The following GLIS3 variants were observed in gnomAD, a reference collection of about 807,000 sequenced individuals.
GLIS3 encodes the protein zinc finger protein GLIS3.
In GLIS3, 53 loss-of-function variants were observed where a neutral mutation model predicts 78.6. The ratio of observed to expected loss-of-function variants is 0.67; its 90% CI spans 0.54 to 0.85. The LOEUF is 0.85. Among genes scored for constraint, GLIS3 ranks in the 40% least tolerant of loss-of-function variants. The pLI is 0.00. For missense variants in GLIS3, 1,703 were observed against 1,231.1 expected, an observed-to-expected ratio of 1.38 and a Z score of -5.74; for synonymous variants, 684 against 509.9, an observed-to-expected ratio of 1.34 and a Z score of -4.60.
chr9:4,276,061 T>C (rs1377033936), intron 2 of GLIS3, among the ~76,000 whole-genome samples: 1 of 151,692 alleles, frequency 6.6e-6, no homozygotes, highest in Non-Finnish European at 1.5e-5. Flanking sequence ...GGCAGATGGA[T>C]CACTTTGAGC....
chr9:4,400,923 G>A, the GLIS3 span, among the ~76,000 whole-genome samples: 1 of 152,210 alleles, frequency 6.6e-6, no homozygotes, highest in Non-Finnish European at 1.5e-5. Context: ...AATACCCAAG[G>A]AGTATGCCGT....
chr9:4,291,616 G>C (rs1024289955), intron 1 of GLIS3, among the ~76,000 whole-genome samples: 42 of 152,028 alleles, frequency 2.8e-4, no homozygotes, highest in Non-Finnish European at 2.9e-5. Context: ...AAAGGGAGAG[G>C]AAGGGAGTAG....
At chr9:4,300,432 C>A (rs992043966), upstream of GLIS3, among the ~76,000 whole-genome samples, 2 of 152,026 alleles carry the variant, frequency 1.3e-5, no homozygotes, top group African/African-American at 4.8e-5. Flanking sequence ...GGTAGTAATA[C>A]GGAGAGAATA....
chr9:4,118,117 G>T lies in GLIS3; in HGVS notation c.1361C>A (p.Pro454Gln). ...GTAAGGGGGTGGGGGGCCTGGGGGCGGCGGCAGAGGAGGGAGCGGAGGCGC... is the reference window on the plus strand; with the variant it reads ...GTAAGGGGGTGGGGGGCCTGGGGGCTGCGGCAGAGGAGGGAGCGGAGGCGC... ...PPAPPLPPLP[P>Q]PPGPPPPYHA... is the part of the protein sequence containing the mutation. Residue 454 changes from proline (P) to glutamine (Q), a missense_variant, in exon 4 of 11, where the codon CCG (proline) becomes CAG (glutamine). Transcript: ENST00000381971. This position sits in a 1 kb window ranked among gnomAD's most constrained non-coding sequence, Gnocchi z 4.7. The T allele has an allele frequency of 1.9e-6, 3 of 1,549,656 alleles. No homozygotes were observed. The South Asian group carries it at 3.7e-5, about 19-fold the overall frequency.
At chr9:3,884,771 T>C (rs1821959805) in intron 7 of GLIS3, among the ~76,000 whole-genome samples, 1 of 152,158 alleles carries the variant, frequency 6.6e-6, no homozygotes, top group African/African-American at 2.4e-5. Flanking sequence ...GGCAGGCAAA[T>C]AGCGGGGCTG....
At position 4,081,980 on chromosome 9, in the gene GLIS3, T is replaced by A. The variant is rs1460348937; in HGVS notation, c.1710+35788A>T. Among the ~76,000 whole-genome samples the A allele has an allele frequency of 3.9e-5, 6 of 152,252 alleles. No homozygotes were observed. In the East Asian group the frequency reaches 1.2e-3, roughly 29 times the overall value. The stretch of plus-strand genomic sequence containing the variant: ...CATGCTTCTTAAATGCCATTTCATA[T>A]GCATAATCAGCTAATAATCTAAACA... On this transcript the variant is annotated intron_variant, in intron 4 of 10. Coordinates refer to ENST00000381971, the MANE Select transcript of GLIS3 (RefSeq NM_001042413.2).
intron 2 of GLIS3, among the ~76,000 whole-genome samples, chr9:4,180,795 G>C (rs974718177): frequency 3.9e-5 from 6 of 152,194 alleles, no homozygotes; most frequent in African/African-American, 1.4e-4. Context: ...AAACTGAGGA[G>C]CGGCGGTGTA....
chr9:4,342,138 G>C (rs769876715), intron 2 of GLIS3, among the ~76,000 whole-genome samples: 1 of 152,000 alleles, frequency 6.6e-6, no homozygotes, highest in Non-Finnish European at 1.5e-5. Context: ...TATTGCTTTT[G>C]GCACTTTTGT....
chr9:4,126,186 G>T (rs898232915), intron 2 of GLIS3, among the ~76,000 whole-genome samples: 3 of 152,050 alleles, frequency 2.0e-5, no homozygotes, highest in Admixed American at 6.5e-5. Context: ...CTTCTATGTA[G>T]AAGTGTCCAG....
At chr9:4,393,367 A>T in the GLIS3 span, among the ~76,000 whole-genome samples, 1,684 of 152,238 alleles carry the variant, frequency 0.011, 20 homozygotes, top group Non-Finnish European at 0.018. Context: ...TACTTTTTTT[A>T]AAAAAATGAT....
chr9:4,488,280 A>G, the GLIS3 span, among the ~76,000 whole-genome samples: 1 of 152,118 alleles, frequency 6.6e-6, no homozygotes, highest in Admixed American at 6.6e-5. Flanking sequence ...CACACATGTG[A>G]TCAAATTGTA....
intron 2 of GLIS3, among the ~76,000 whole-genome samples, chr9:4,340,541 GCTT>G (rs1817819555): frequency 6.6e-6 from 1 of 152,134 alleles, no homozygotes; most frequent in African/African-American, 2.4e-5. Context: ...CTAGGGTTAA[GCTT>G]CTGTGTATTT....
chr9:4,089,631 G>A (rs900675646), intron 4 of GLIS3, among the ~76,000 whole-genome samples: 6 of 152,038 alleles, frequency 3.9e-5, no homozygotes, highest in South Asian at 2.1e-4. Context: ...TTTGAAACCA[G>A]CCTGGGCAAA....
At chr9:4,311,174 T>C (rs148382633) in intron 2 of GLIS3, among the ~76,000 whole-genome samples, 9,978 of 152,296 alleles carry the variant, frequency 0.066, 486 homozygotes, top group Middle Eastern at 0.12. Flanking sequence ...TTTGGGAGGC[T>C]GAGGCAGGCG....
At chr9:4,043,030 ATTC>A (rs1824953862) in intron 4 of GLIS3, among the ~76,000 whole-genome samples, 1 of 151,734 alleles carries the variant, frequency 6.6e-6, no homozygotes, top group Non-Finnish European at 1.5e-5. Context: ...AGAAATGGCT[ATTC>A]TTCTACTAAG....
At chr9:3,992,183 G>C (rs949478832) in intron 4 of GLIS3, among the ~76,000 whole-genome samples, 1 of 152,180 alleles carries the variant, frequency 6.6e-6, no homozygotes, top group Non-Finnish European at 1.5e-5. Flanking sequence ...GGAGGACAAG[G>C]AGTAGTGGCA....
chr9:4,185,776 G>A (rs535366192), intron 2 of GLIS3, among the ~76,000 whole-genome samples: 1 of 152,272 alleles, frequency 6.6e-6, no homozygotes, highest in South Asian at 2.1e-4. Context: ...CTATAGGAAT[G>A]AATCGCCCTC....
At chr9:4,132,325 A>C (rs1833039152) in intron 2 of GLIS3, among the ~76,000 whole-genome samples, 1 of 152,200 alleles carries the variant, frequency 6.6e-6, no homozygotes, top group African/African-American at 2.4e-5. Context: ...GCATTTTCAA[A>C]TTTCTGAACC....
chr9:4,005,727 T>A (rs962520492), intron 4 of GLIS3, among the ~76,000 whole-genome samples: 1 of 152,200 alleles, frequency 6.6e-6, no homozygotes, highest in Non-Finnish European at 1.5e-5. Context: ...GAAAATAACC[T>A]AAACATCTGC....
Sources: gnomAD v4.1 joint callset for allele counts (sites outside exome capture counted in the v4.1 genomes callset) on GRCh38, gnomAD v4.1.1 for gene constraint, Gnocchi (gnomAD v3.1) non-coding constraint, MANE v1.5 for transcripts, NCBI Gene and HGNC (gene_info 2026-07-23, HGNC 2026-07-21) for gene names.